LYRM4: variants seen among roughly 807,000 people sequenced by gnomAD.
LYRM4 encodes the protein LYR motif-containing protein 4.
A neutral mutation model predicts 11.7 loss-of-function variants in LYRM4; 9 were observed. That is an observed-to-expected ratio of 0.77 (90% CI 0.46 to 1.34). The LOEUF (loss-of-function observed/expected upper bound fraction) is 1.34. Ranked by LOEUF, LYRM4 falls within the 40% of genes most tolerant of loss-of-function variation. The pLI is 0.00. For synonymous variants in LYRM4, 42 were observed against 40.4 expected (o/e 1.04, Z -0.15); for missense variants, 133 against 112.5 (o/e 1.18, Z -0.82).
intron 2 of LYRM4, among the ~76,000 whole-genome samples, chr6:5,175,798 C>T (rs1759680675): frequency 1.3e-5 from 2 of 152,328 alleles, no homozygotes; most frequent in Admixed American, 1.3e-4. Context: ...CTCTCCTCTG[C>T]AGTTCTGCCC....
chr6:5,034,604 C>T, the LYRM4 span: 1 of 152,834 alleles, frequency 6.5e-6, no homozygotes, highest in African/African-American at 2.4e-5. Flanking sequence ...CGCCGGCTCC[C>T]CTGCGCCTTC....
At chr6:5,129,733 T>C (rs2127611408) in intron 2 of LYRM4, among the ~76,000 whole-genome samples, 1 of 152,350 alleles carries the variant, frequency 6.6e-6, no homozygotes, top group Admixed American at 6.5e-5. Context: ...CTACCAGATC[T>C]TCCTTTATGG....
At chr6:5,192,653 T>C (rs889850833) in intron 2 of LYRM4, among the ~76,000 whole-genome samples, 38 of 152,146 alleles carry the variant, frequency 2.5e-4, no homozygotes, top group African/African-American at 8.7e-4. Flanking sequence ...TCCTCTTCCA[T>C]GATGAGATCT....
chr6:5,168,823 A>C (rs1759246209), intron 2 of LYRM4, among the ~76,000 whole-genome samples: 1 of 152,146 alleles, frequency 6.6e-6, no homozygotes, highest in Non-Finnish European at 1.5e-5. Context: ...ATGTTGAAGA[A>C]TTTAGGGGTG....
chr6:5,217,100 C>A (rs1373509425), intron 1 of LYRM4, among the ~76,000 whole-genome samples: 1 of 152,156 alleles, frequency 6.6e-6, no homozygotes, highest in African/African-American at 2.4e-5. Flanking sequence ...CGGCAGTGAA[C>A]CATGATGGTG....
At chr6:5,048,256 A>G in the LYRM4 span, among the ~76,000 whole-genome samples, 2 of 151,846 alleles carry the variant, frequency 1.3e-5, no homozygotes, top group African/African-American at 2.4e-5. Flanking sequence ...CAGAATGGCA[A>G]CATTACATTT....
chr6:5,112,553 C>G (rs1308555058), intron 2 of LYRM4, among the ~76,000 whole-genome samples: 2 of 152,218 alleles, frequency 1.3e-5, no homozygotes, highest in Non-Finnish European at 2.9e-5. Context: ...CTGAGTCATT[C>G]TGCAGACAAG....
chr6:5,081,327 G>T, the LYRM4 span, among the ~76,000 whole-genome samples: 1 of 152,318 alleles, frequency 6.6e-6, no homozygotes, highest in Non-Finnish European at 1.5e-5. Context: ...GTGCCAGAGT[G>T]GAGGAGTGGT....
intron 2 of LYRM4, among the ~76,000 whole-genome samples, chr6:5,123,962 T>C (rs192535378): frequency 1.1e-3 from 172 of 152,290 alleles, no homozygotes; most frequent in Admixed American, 2.8e-3. Flanking sequence ...CAGATGACAC[T>C]GGGGTCTGGG....
rs758693748 is a variant in LYRM4 at position 5,216,710 on chromosome 6, C to A, written c.115G>T (p.Ala39Ser). 12 of 1,613,400 alleles carry A rather than the reference C, an allele frequency of 7.4e-6. No individual in the cohort carries two copies. Among genetic ancestry groups the A allele is most frequent in the Non-Finnish European group, 8.5e-6 (10 of 1,179,936 alleles). The change falls in exon 2 of 3, where the codon GCC (alanine) becomes TCC (serine). Residue 39 changes from alanine (A) to serine (S), a missense_variant. Ala to Ser is a moderately conservative substitution (Grantham distance 99). Coordinates refer to ENST00000330636, the MANE Select transcript of LYRM4 (RefSeq NM_020408.6). ...RTYAVRRIRD[A>S]FRENKNVKDP... ...TTTACATTTTTATTTTCTCTGAAGGCATCTCTTATCCTCCTGACAGCATAT... is the reference window on the plus strand; with the variant it reads ...TTTACATTTTTATTTTCTCTGAAGGAATCTCTTATCCTCCTGACAGCATAT...
At chr6:5,159,959 C>G (rs1348624763) in intron 2 of LYRM4, among the ~76,000 whole-genome samples, 2 of 152,142 alleles carry the variant, frequency 1.3e-5, no homozygotes, top group African/African-American at 4.8e-5. Flanking sequence ...GTTTTTCTTC[C>G]ATTTTAGTTT....
At chr6:5,156,080 G>A (rs1029182797) in intron 2 of LYRM4, among the ~76,000 whole-genome samples, 3 of 152,204 alleles carry the variant, frequency 2.0e-5, no homozygotes, top group African/African-American at 7.2e-5. Flanking sequence ...CTTCTGGAGT[G>A]TTTGCCAAAA....
rs540865418 is a variant in LYRM4, at chr6:5,127,029, A to G, written c.208-17538T>C. Among the ~76,000 whole-genome samples the G allele has an allele frequency of 8.3e-4, 126 of 152,308 alleles. 1 individual carries two copies. Among genetic ancestry groups the G allele is most frequent in the Admixed American group, 1.8e-3 (28 of 15,300 alleles). On this transcript the variant is annotated intron_variant, in intron 2 of 2. Coordinates refer to ENST00000330636, the MANE Select transcript of LYRM4 (RefSeq NM_020408.6). The stretch of plus-strand genomic sequence containing the variant: ...CAGTGGCACGATCTTGGCTCACTGC[A>G]ACCTCCGCCTTCCGGGTTCAAGCAA...
chr6:5,094,025 C>T, the LYRM4 span, among the ~76,000 whole-genome samples: 5 of 152,226 alleles, frequency 3.3e-5, no homozygotes, highest in Non-Finnish European at 5.9e-5. Context: ...AAGTGTCTGA[C>T]TTAACTGAAA....
At position 5,109,803 on chromosome 6, in the gene LYRM4, G is replaced by T. The variant is rs955240567; in HGVS notation, c.208-312C>A. Among the ~76,000 whole-genome samples, 30 of 152,244 alleles carry T rather than the reference G, an allele frequency of 2.0e-4. 1 individual carries two copies. The highest frequency in any genetic ancestry group is 4.4e-5 in the Non-Finnish European group (3 of 68,036). ...CCTGCTGGTGGCAGAGCTGTCAGAT[G>T]TGTGCCCAGTACCTCCTCTCCTAAG... On this transcript the variant is annotated intron_variant, in intron 2 of 2. Coordinates refer to ENST00000330636, the MANE Select transcript of LYRM4 (RefSeq NM_020408.6).
chr6:5,079,153 G>A, the LYRM4 span, among the ~76,000 whole-genome samples: 14 of 152,158 alleles, frequency 9.2e-5, no homozygotes, highest in Admixed American at 2.6e-4. Context: ...GAAGTGGATA[G>A]GTCTGAGAGC....
At chr6:5,176,944 G>A (rs958556542) in intron 2 of LYRM4, among the ~76,000 whole-genome samples, 3 of 152,158 alleles carry the variant, frequency 2.0e-5, no homozygotes. Context: ...GAAGATACTT[G>A]TTTTAATACT....
the LYRM4 span, among the ~76,000 whole-genome samples, chr6:5,058,532 C>CT: frequency 6.6e-6 from 1 of 152,226 alleles, no homozygotes; most frequent in Admixed American, 6.5e-5. Context: ...TGGATTCTCT[C>CT]TGTCCTCCTT....
At chr6:5,039,492 A>G in the LYRM4 span, among the ~76,000 whole-genome samples, 1 of 152,292 alleles carries the variant, frequency 6.6e-6, no homozygotes, top group South Asian at 2.1e-4. Flanking sequence ...TCCTGCCCCA[A>G]AGTTTTCCAA....
Sources: gnomAD v4.1 joint callset for allele counts (sites outside exome capture counted in the v4.1 genomes callset) on GRCh38, gnomAD v4.1.1 for gene constraint, MANE v1.5 for transcripts, NCBI Gene and HGNC (gene_info 2026-07-23, HGNC 2026-07-21) for gene names.